Variants in ZZZ3 observed in about 807,000 individuals in gnomAD.
ZZZ3 encodes zinc finger ZZ-type containing 3.
A neutral mutation model predicts 95.2 loss-of-function variants in ZZZ3; 22 were observed. The observed-to-expected ratio is 0.23, with a 90% confidence interval of 0.17 to 0.33. ZZZ3 has a LOEUF of 0.33. Ranked by LOEUF, ZZZ3 falls within the 10% of genes least tolerant of loss-of-function variation. ZZZ3 has a pLI of 1.00. For missense variants in ZZZ3, 885 were observed against 1,066.5 expected (o/e 0.83, Z 2.37); for synonymous variants, 335 against 358.9 (o/e 0.93, Z 0.75).
At chr1:77,586,726 A>G (rs1034776088) in intron 5 of ZZZ3, among the ~76,000 whole-genome samples, 2 of 152,240 alleles carry the variant, frequency 1.3e-5, no homozygotes, top group Non-Finnish European at 2.9e-5. Flanking sequence ...GCTCAAAATA[A>G]TGAAGACTCT....
intron 5 of ZZZ3, among the ~76,000 whole-genome samples, chr1:77,586,566 T>G (rs1184173044): frequency 6.6e-6 from 1 of 152,154 alleles, no homozygotes; most frequent in East Asian, 1.9e-4. Flanking sequence ...TTTTACAGTA[T>G]GTAAATTTTT....
intron 1 of ZZZ3, among the ~76,000 whole-genome samples, chr1:77,661,055 C>T (rs1467298889): frequency 1.2e-5 from 1 of 80,392 alleles, no homozygotes; most frequent in Non-Finnish European, 2.8e-5. Context: ...TGCTTTAACG[C>T]AAAAAAAAAA....
intron 5 of ZZZ3, among the ~76,000 whole-genome samples, chr1:77,598,605 G>A (rs141884690): frequency 2.6e-5 from 4 of 152,206 alleles, no homozygotes; most frequent in East Asian, 3.9e-4. Context: ...AAGAGATCCC[G>A]TCTGATTAAT....
chr1:77,631,269 T>C (rs901347182), intron 5 of ZZZ3, among the ~76,000 whole-genome samples: 1 of 152,234 alleles, frequency 6.6e-6, no homozygotes, highest in Non-Finnish European at 1.5e-5. Flanking sequence ...TTATGTAAAC[T>C]ATCCAGTAGA....
chr1:77,610,083 G>A, intron 5 of ZZZ3, among the ~76,000 whole-genome samples: 1 of 148,122 alleles, frequency 6.8e-6, no homozygotes, highest in Admixed American at 6.7e-5. Context: ...AAACAAAACT[G>A]ACAAACTTTG....
chr1:77,672,732 C>T (rs1428979961), intron 1 of ZZZ3, among the ~76,000 whole-genome samples: 1 of 152,186 alleles, frequency 6.6e-6, no homozygotes, highest in Non-Finnish European at 1.5e-5. Context: ...AGTAGCTACC[C>T]ATGTGCTTGG....
intron 3 of ZZZ3, 84 bp downstream of exon 3, chr1:77,641,300 A>G (rs1668757607): frequency 2.8e-6 from 1 of 351,266 alleles, no homozygotes; most frequent in African/African-American, 2.1e-5. Context: ...ATTTGAATAG[A>G]GTTCACTATA....
intron 7 of ZZZ3, 40 bp from the exon 8 acceptor site, chr1:77,581,931 C>T: frequency 6.2e-7 from 1 of 1,604,108 alleles, no homozygotes; most frequent in Non-Finnish European, 8.5e-7. Flanking sequence ...TAAAGCAAAA[C>T]ATTGCCAGAT....
intron 9 of ZZZ3, chr1:77,580,063 C>G (rs1427221265): frequency 6.5e-6 from 1 of 152,858 alleles, no homozygotes; most frequent in Admixed American, 6.5e-5. Context: ...TTAAAAGAGG[C>G]TTTTCCTTCT....
rs565871419 is a variant in ZZZ3, at chr1:77,657,376, T to C, written c.-402-15721A>G. On this transcript the variant is annotated intron_variant, in intron 1 of 14. Transcript: ENST00000370801. ...ACAGCCTTCTTGCACTTAGGAACACTATAGACAGCACTTTAGCACTACACT... is the reference window on the plus strand; with the variant it reads ...ACAGCCTTCTTGCACTTAGGAACACCATAGACAGCACTTTAGCACTACACT... Among the ~76,000 whole-genome samples the C allele has an allele frequency of 3.3e-5, 5 of 152,164 alleles. No homozygotes were observed. In the East Asian group the frequency reaches 9.7e-4, roughly 29 times the overall value.
At chr1:77,672,625 G>A (rs1158808201) in intron 1 of ZZZ3, among the ~76,000 whole-genome samples, 1 of 152,158 alleles carries the variant, frequency 6.6e-6, no homozygotes, top group Non-Finnish European at 1.5e-5. Context: ...CAACTTTCAG[G>A]CGATTATGAT....
chr1:77,642,411 C>G lies in ZZZ3; in HGVS notation c.-402-756G>C, dbSNP rs535529137. ...AAATGTTTCATCATGCTGTACCACT[C>G]CATTACACAGTAAAAAGAGTACAAA... On this transcript the variant is annotated intron_variant, in intron 1 of 14. Transcript: ENST00000370801. 4.6e-5 allele frequency among the ~76,000 whole-genome samples: 7 copies of G among 152,246 alleles called. No individual in the cohort carries two copies. The East Asian group carries it at 1.4e-3, about 29-fold the overall frequency.
At chr1:77,643,579 G>A (rs1400389144) in intron 1 of ZZZ3, among the ~76,000 whole-genome samples, 5 of 152,164 alleles carry the variant, frequency 3.3e-5, no homozygotes, top group Non-Finnish European at 7.3e-5. Flanking sequence ...AAAATTCATT[G>A]ACTATTCAAG....
chr1:77,587,257 CCTTT>C (rs1352252946), intron 5 of ZZZ3, among the ~76,000 whole-genome samples: 2 of 136,926 alleles, frequency 1.5e-5, no homozygotes, highest in African/African-American at 5.3e-5. Flanking sequence ...CAACTTTGAC[CCTTT>C]TTTTTTTTTT....
At chr1:77,614,654 G>C (rs1666134539) in intron 5 of ZZZ3, among the ~76,000 whole-genome samples, 1 of 151,852 alleles carries the variant, frequency 6.6e-6, no homozygotes, top group Non-Finnish European at 1.5e-5. Flanking sequence ...TAAGCTTTGA[G>C]AAAAAATAAA....
At chr1:77,680,432 C>T (rs1363883513) in intron 1 of ZZZ3, among the ~76,000 whole-genome samples, 1 of 152,194 alleles carries the variant, frequency 6.6e-6, no homozygotes, top group Non-Finnish European at 1.5e-5. Flanking sequence ...TCCCAATGTC[C>T]CCTTTTCCTC....
In ZZZ3 at chr1:77,643,976, A is replaced by G. The variant is rs528215610; in HGVS notation, c.-402-2321T>C. Among the ~76,000 whole-genome samples, 188 of 152,328 alleles carry G rather than the reference A, an allele frequency of 1.2e-3. 2 individuals carry two copies. The highest frequency in any genetic ancestry group is 4.2e-3 in the African/African-American group (174 of 41,580). Reference sequence around the variant, plus strand: ...AAGTATCACATATAGGCACTATACTATGATTTTAAATGATTTTATAAGAAA... The same window carrying G: ...AAGTATCACATATAGGCACTATACTGTGATTTTAAATGATTTTATAAGAAA... On this transcript the variant is annotated intron_variant, in intron 1 of 14. Coordinates refer to ENST00000370801, the MANE Select transcript of ZZZ3 (RefSeq NM_015534.6).
rs769879818 is a variant in ZZZ3, at chr1:77,632,348, T to C, written c.1007A>G (p.Asn336Ser). The C allele has an allele frequency of 5.9e-5, 95 of 1,614,074 alleles. 1 individual carries two copies. In the Middle Eastern group the frequency reaches 2.5e-3, roughly 42 times the overall value. The change falls in exon 5 of 15, where the codon AAT becomes AGT. Residue 336 changes from asparagine (N) to serine (S), a missense_variant. Around this residue, in one of 5 missense-constraint regions of ZZZ3, gnomAD observed 556 missense variants for 652.9 expected, o/e 0.85. Coordinates refer to ENST00000370801, the MANE Select transcript of ZZZ3 (RefSeq NM_015534.6). ...ASKEQCKENT[N>S]NELDTSLESM... ...CTCAAGACTTGTGTCCAGTTCGTTA[T>C]TGGTGTTTTCTTTACACTGCTCTTT...
intron 5 of ZZZ3, among the ~76,000 whole-genome samples, chr1:77,629,935 CTG>C (rs1446226109): frequency 2.0e-5 from 3 of 152,192 alleles, no homozygotes; most frequent in Admixed American, 2.0e-4. Flanking sequence ...CTTTAGGTAA[CTG>C]TTTTATGTGA....
Sources: allele counts gnomAD v4.1 joint callset (sites outside exome capture counted in the v4.1 genomes callset), GRCh38; gene constraint gnomAD v4.1.1; regional missense constraint gnomAD v4.1.1; transcripts MANE v1.5; gene names NCBI Gene and HGNC (gene_info 2026-07-23, HGNC 2026-07-21).